GTF3C4: variants seen among roughly 807,000 people sequenced by gnomAD.
GTF3C4 encodes the protein general transcription factor IIIC subunit 4.
GTF3C4 carries 28 observed loss-of-function variants against 67.5 expected under a neutral mutation model. That is an observed-to-expected ratio of 0.41 (90% CI 0.31 to 0.57). The LOEUF is 0.57. GTF3C4 is among the 20% of genes least tolerant of loss of function. The pLI, the probability that GTF3C4 is intolerant of heterozygous loss-of-function variation, is 0.21. For synonymous variants in GTF3C4, 409 were observed against 393.0 expected (o/e 1.04, Z -0.48); for missense variants, 831 against 1,033.2 (o/e 0.80, Z 2.68).
rs1007477614 is a variant in GTF3C4, at chr9:132,693,793, G to A, written c.*4848G>A. On this transcript the variant is annotated 3_prime_UTR_variant, in exon 5 of 5. Transcript: ENST00000372146. Reference sequence around the variant, plus strand: ...TCTCTCCACTAATGGAAAATTAAATGCTAAACGTCCTAAGAATTATGTTGT... The same window carrying A: ...TCTCTCCACTAATGGAAAATTAAATACTAAACGTCCTAAGAATTATGTTGT... 1 of 152,140 alleles carries A rather than the reference G, an allele frequency of 6.6e-6. No individual in the cohort carries two copies. Among genetic ancestry groups the A allele is most frequent in the Non-Finnish European group, 1.5e-5 (1 of 68,010 alleles). The allele number at this position is 152,140 out of a possible 1,614,324, so 9.4% of individuals were successfully genotyped here.
chr9:132,682,889 C>A (rs1835967583), intron 2 of GTF3C4, among the ~76,000 whole-genome samples: 1 of 152,112 alleles, frequency 6.6e-6, no homozygotes, highest in Admixed American at 6.5e-5. Flanking sequence ...CAGGCATGAG[C>A]CACTGTGCCC....
intron 1 of GTF3C4, among the ~76,000 whole-genome samples, chr9:132,676,702 T>TA (rs1835869782): frequency 6.6e-6 from 1 of 152,282 alleles, no homozygotes; most frequent in African/African-American, 2.4e-5. Context: ...TAGGATGTAG[T>TA]AAGTGGTTCT....
chr9:132,685,318 G>A (rs1028380252), intron 3 of GTF3C4, among the ~76,000 whole-genome samples: 2 of 151,932 alleles, frequency 1.3e-5, no homozygotes, highest in African/African-American at 4.8e-5. Flanking sequence ...ACTGCACCCG[G>A]CCAAATTTTT....
chr9:132,689,006 G>T lies in GTF3C4; in HGVS notation c.*61G>T, dbSNP rs1219688249. ...ACTCTGCCATAGAAAACTTCCTCCA[G>T]CCTGAAGAGAAGGATGCACTGGAGG... On this transcript the variant is annotated 3_prime_UTR_variant, in exon 5 of 5. Coordinates refer to ENST00000372146, the MANE Select transcript of GTF3C4 (RefSeq NM_012204.4). The T allele has an allele frequency of 2.4e-6, 3 of 1,266,004 alleles. No individual in the cohort carries two copies. The highest frequency in any genetic ancestry group is 2.3e-5 in the East Asian group (1 of 43,378). The allele number at this position is 1,266,004 out of a possible 1,614,324, so 78.4% of individuals were successfully genotyped here. A position where few individuals can be genotyped will look rare whatever the true frequency, so the allele number is the denominator to read the frequency against.
At chr9:132,680,844 C>T (rs1217297147) in intron 2 of GTF3C4, among the ~76,000 whole-genome samples, 1 of 152,196 alleles carries the variant, frequency 6.6e-6, no homozygotes, top group Non-Finnish European at 1.5e-5. Context: ...GGCGTGGTGG[C>T]TCACGCCTGT....
Position 132,678,120 on chromosome 9 carries a change from C to T in GTF3C4, c.501C>T (p.Thr167=), listed in dbSNP as rs1206886476. The part of the protein sequence containing the change: ...ALPPMRGFKY[T]SWSPMGCDAN... ...CACCAATGAGAGGATTCAAGTACAC[C>T]AGCTGGTCTCCCATGGGTTGCGATG... is the stretch of plus-strand genomic sequence containing the variant. The change falls in exon 2 of 5, where the codon ACC becomes ACT. Residue 167 remains threonine, a synonymous_variant. Coordinates refer to ENST00000372146, the MANE Select transcript of GTF3C4 (RefSeq NM_012204.4). This position sits in a 1 kb window ranked among gnomAD's most constrained non-coding sequence, Gnocchi z 6.5. The T allele has an allele frequency of 1.9e-6, 3 of 1,614,108 alleles. No individual in the cohort carries two copies. Among genetic ancestry groups the T allele is most frequent in the Middle Eastern group, 1.6e-4 (1 of 6,084 alleles).
At position 132,690,007 on chromosome 9, in the gene GTF3C4, C is replaced by T. The variant is rs1836090042; in HGVS notation, c.*1062C>T. The T allele has an allele frequency of 6.6e-6, 1 of 152,268 alleles. No homozygotes were observed. The highest frequency in any genetic ancestry group is 2.4e-5 in the African/African-American group (1 of 41,422). The allele number at this position is 152,268 out of a possible 1,614,324, so 9.4% of individuals were successfully genotyped here. On this transcript the variant is annotated 3_prime_UTR_variant, in exon 5 of 5. Coordinates refer to ENST00000372146, the MANE Select transcript of GTF3C4 (RefSeq NM_012204.4). ...GTTCTGCCCCCAACCCCTACCCACC[C>T]AGTGGTCTGTTAAGATGTCTCAGAT...
rs1246643334 is a variant in GTF3C4, at chr9:132,694,353, G to A, written c.*5408G>A. ...GAGTAACTTCCTGCCTCATCAGGAT[G>A]AAATGTGGTTCACTTCCCCTGTGTT... On this transcript the variant is annotated 3_prime_UTR_variant, in exon 5 of 5. Coordinates refer to ENST00000372146, the MANE Select transcript of GTF3C4 (RefSeq NM_012204.4). The A allele has an allele frequency of 6.6e-6, 1 of 152,232 alleles. No individual in the cohort carries two copies. Among genetic ancestry groups the A allele is most frequent in the Non-Finnish European group, 1.5e-5 (1 of 68,038 alleles). The allele number at this position is 152,232 out of a possible 1,614,324, so 9.4% of individuals were successfully genotyped here.
At position 132,689,470 on chromosome 9, in the gene GTF3C4, CT is replaced by C. The variant is rs1339293841; in HGVS notation, c.*526del. 1 of 152,966 alleles carries C rather than the reference CT, an allele frequency of 6.5e-6. No homozygotes were observed. Among genetic ancestry groups the C allele is most frequent in the Non-Finnish European group, 1.5e-5 (1 of 68,532 alleles). 9.5% of individuals were successfully genotyped at this position (152,966 alleles called of 1,614,324 possible). A position where few individuals can be genotyped will look rare whatever the true frequency, so the allele number is the denominator to read the frequency against. On this transcript the variant is annotated 3_prime_UTR_variant, in exon 5 of 5. Transcript: ENST00000372146. ...CTGATGTTTTGTTCTCAGAAAATAG[CT>C]GCTGGTCTGCATCCCTCCATTCTTG... is the stretch of plus-strand genomic sequence containing the variant.
chr9:132,674,764 T>TCACACCTGTAATCCCAAA (rs1835840079), intron 1 of GTF3C4, among the ~76,000 whole-genome samples: 2 of 152,230 alleles, frequency 1.3e-5, no homozygotes, highest in Admixed American at 1.3e-4. Context: ...GTGCTGTGGC[T>TCACACCTGTAATCCCAAA]CACACCTGTA....
At chr9:132,687,450 G>A in intron 4 of GTF3C4, 123 bp downstream of exon 4, 1 of 373,354 alleles carries the variant, frequency 2.7e-6, no homozygotes, top group Non-Finnish European at 5.4e-6. Flanking sequence ...CGGGGGTGGG[G>A]GGTGGGGAGT....
chr9:132,680,718 C>T (rs2130898411), intron 2 of GTF3C4, among the ~76,000 whole-genome samples: 1 of 152,346 alleles, frequency 6.6e-6, no homozygotes, highest in East Asian at 1.9e-4. Flanking sequence ...TGTTTGTGTA[C>T]ACACGTTCGC....
intron 1 of GTF3C4, among the ~76,000 whole-genome samples, chr9:132,672,805 A>T (rs1406318734): frequency 6.6e-6 from 1 of 152,222 alleles, no homozygotes; most frequent in Admixed American, 6.5e-5. Flanking sequence ...GGGGATAATG[A>T]AGCGTTGTTT....
Position 132,679,563 on chromosome 9 carries a change from C to A in GTF3C4, c.1944C>A (p.Pro648=). The change falls in exon 2 of 5, where the codon CCC becomes CCA. Residue 648 remains proline, a synonymous_variant. Transcript: ENST00000372146. The surrounding 1 kb of genome is among the most constrained non-coding windows in gnomAD (Gnocchi z 5.9). ...ERSKEGDVEE[P]TDDSLPTTGD... is the part of the protein sequence containing the mutation. ...GCAAGGAAGGAGATGTAGAGGAGCC[C>A]ACTGATGACTCGCTCCCCACGACTG... The A allele has an allele frequency of 6.2e-7, 1 of 1,614,046 alleles. No individual in the cohort carries two copies. The highest frequency in any genetic ancestry group is 8.5e-7 in the Non-Finnish European group (1 of 1,180,012).
chr9:132,670,520 G>A lies in GTF3C4; in HGVS notation c.-79G>A, dbSNP rs1564351265. 1 of 1,158,370 alleles carries A rather than the reference G, an allele frequency of 8.6e-7. No homozygotes were observed. The highest frequency in any genetic ancestry group is 3.0e-5 in the East Asian group (1 of 33,584). 71.8% of individuals were successfully genotyped at this position (1,158,370 alleles called of 1,614,324 possible). On this transcript the variant is annotated 5_prime_UTR_variant, in exon 1 of 5. Transcript: ENST00000372146. Reference sequence around the variant, plus strand: ...AGAAAACCGCCGCGGAGGGCGCTGGGGGTGGCGGCGGCGGTCCGGGAGGTG... The same window carrying A: ...AGAAAACCGCCGCGGAGGGCGCTGGAGGTGGCGGCGGCGGTCCGGGAGGTG...
At chr9:132,684,665 C>T (rs748966603) in intron 3 of GTF3C4, among the ~76,000 whole-genome samples, 2 of 152,164 alleles carry the variant, frequency 1.3e-5, no homozygotes, top group East Asian at 1.9e-4. Context: ...TCCTCAGGTA[C>T]GTGAGGCGCC....
chr9:132,683,410 A>C (rs571728418), intron 2 of GTF3C4, among the ~76,000 whole-genome samples, 153 bp from the exon 3 acceptor site: 13 of 146,862 alleles, frequency 8.9e-5, no homozygotes, highest in Non-Finnish European at 1.4e-4. Context: ...CAGTATAATC[A>C]GGATTTGTGG....
Position 132,670,960 on chromosome 9 carries a change from G to T in GTF3C4, c.357+5G>T, listed in dbSNP as rs772810805. ...CTCAACAGCTGTCTCCTCAAAGTAAGTCATCCCCCGCCATCCCTGGGGTCT... is the reference window on the plus strand; with the variant it reads ...CTCAACAGCTGTCTCCTCAAAGTAATTCATCCCCCGCCATCCCTGGGGTCT... On this transcript the variant is annotated splice_donor_5th_base_variant and intron_variant, in intron 1 of 4. Transcript: ENST00000372146. 1 of 1,592,500 alleles carries T rather than the reference G, an allele frequency of 6.3e-7. No homozygotes were observed. The highest frequency in any genetic ancestry group is 8.6e-7 in the Non-Finnish European group (1 of 1,162,308).
chr9:132,681,335 T>C (rs1301757925), intron 2 of GTF3C4, among the ~76,000 whole-genome samples: 2 of 152,172 alleles, frequency 1.3e-5, no homozygotes, highest in Non-Finnish European at 1.5e-5. Flanking sequence ...GATTCCAACA[T>C]AGCCATTTTA....
Sources: gnomAD v4.1 joint callset for allele counts (sites outside exome capture counted in the v4.1 genomes callset) on GRCh38, gnomAD v4.1.1 for gene constraint, Gnocchi (gnomAD v3.1) non-coding constraint, MANE v1.5 for transcripts, NCBI Gene and HGNC (gene_info 2026-07-23, HGNC 2026-07-21) for gene names.